Variants in ARID3B observed in about 807,000 individuals in gnomAD.
ARID3B encodes the protein AT-rich interaction domain 3B.
In ARID3B, 10 loss-of-function variants were observed where a neutral mutation model predicts 51.9. That is an observed-to-expected ratio of 0.19 (90% CI 0.12 to 0.33). The LOEUF (loss-of-function observed/expected upper bound fraction) is 0.33, where lower values mean the gene tolerates loss of function less well. Ranked by LOEUF, ARID3B falls within the 10% of genes least tolerant of loss-of-function variation. The probability of loss-of-function intolerance (pLI) is 1.00; values close to 1 mark genes in which losing one functional copy is unlikely to be tolerated. For missense variants in ARID3B, 483 were observed against 716.3 expected (o/e 0.67, Z 3.72); for synonymous variants, 205 against 279.5 (o/e 0.73, Z 2.66).
chr15:74,546,270 T>G (rs1314438500), intron 2 of ARID3B, among the ~76,000 whole-genome samples: 1 of 152,110 alleles, frequency 6.6e-6, no homozygotes, highest in Admixed American at 6.5e-5. Context: ...TGCTGTGTGG[T>G]TGGCAGAGTT....
rs539888569 is a variant in ARID3B, at chr15:74,591,499, G to A, written c.1166-61G>A. On this transcript the variant is annotated intron_variant, in intron 6 of 8. Transcript: ENST00000346246. The surrounding 1 kb of genome is among the most constrained non-coding windows in gnomAD (Gnocchi z 5.8). The stretch of plus-strand genomic sequence containing the variant: ...AGGGATGCCAGTTCCCTGTGTTCAA[G>A]ACTGGGGTTTTGGGGCAAGAGGGTC... 1.9e-6 allele frequency: 3 copies of A among 1,594,488 alleles called. No homozygotes were observed. In the South Asian group the frequency reaches 3.4e-5, roughly 18 times the overall value.
intron 2 of ARID3B, among the ~76,000 whole-genome samples, chr15:74,558,478 T>C (rs2061667586): frequency 6.6e-6 from 1 of 152,174 alleles, no homozygotes; most frequent in Non-Finnish European, 1.5e-5. Context: ...TTTCTATTCC[T>C]TCAGCTCTTT....
rs377303553 is a variant in ARID3B, at chr15:74,544,183, G to C, written c.247G>C (p.Glu83Gln). 3.7e-6 allele frequency: 6 copies of C among 1,613,884 alleles called. No homozygotes were observed. Among genetic ancestry groups the C allele is most frequent in the Non-Finnish European group, 5.1e-6 (6 of 1,179,864 alleles). Residue 83 changes from glutamate to glutamine, a missense_variant, in exon 2 of 9, where the codon GAA (glutamate) becomes CAA (glutamine). Glu to Gln is a conservative substitution (Grantham distance 29). This residue lies in a region of ARID3B where 182 missense variants were observed against 244.5 expected (regional missense o/e 0.74). Coordinates refer to ENST00000346246, the MANE Select transcript of ARID3B (RefSeq NM_006465.4). ...CACCGCAGCAGTGGCCCAAGTGTTT[G>C]AACGGGGCAACATGAACTCAGAGCC... is the stretch of plus-strand genomic sequence containing the variant. ...PPTAAVAQVF[E>Q]RGNMNSEPEE...
chr15:74,543,943 C>G lies in ARID3B; in HGVS notation c.7C>G (p.Pro3Ala). 6.2e-7 allele frequency: 1 copy of G among 1,610,046 alleles called. No individual in the cohort carries two copies. Among genetic ancestry groups the G allele is most frequent in the East Asian group, 2.2e-5 (1 of 44,882 alleles). ME[P>A]LQQQQQQQQQ... ...GGTGAAGCTTGAGGCAAAAATGGAG[C>G]CACTTCAGCAGCAGCAGCAGCAGCA... Residue 3 changes from proline to alanine, a missense_variant, in exon 2 of 9, where the codon CCA becomes GCA. Transcript: ENST00000346246.
intron 2 of ARID3B, among the ~76,000 whole-genome samples, chr15:74,569,104 T>G (rs1367010523): frequency 6.6e-6 from 1 of 152,176 alleles, no homozygotes; most frequent in Non-Finnish European, 1.5e-5. Context: ...AATTTTCTAG[T>G]AGTCACACCC....
In ARID3B at chr15:74,552,236, T is replaced by C. The variant is rs1281439559; in HGVS notation, c.552+7748T>C. Among the ~76,000 whole-genome samples the C allele has an allele frequency of 2.1e-5, 3 of 140,898 alleles. No individual in the cohort carries two copies. In the Admixed American group the frequency reaches 2.2e-4, roughly 10 times the overall value. The allele number at this position is 140,898 out of a possible 152,430, so 92.4% of individuals were successfully genotyped here. A position where few individuals can be genotyped will look rare whatever the true frequency, so the allele number is the denominator to read the frequency against. On this transcript the variant is annotated intron_variant, in intron 2 of 8. Coordinates refer to ENST00000346246, the MANE Select transcript of ARID3B (RefSeq NM_006465.4). ...GCCACCACGCCCAGCTAATTTTTTG[T>C]ATTTTTAATAGAGATGGGGTTTCAT...
chr15:74,560,161 C>T (rs1265002205), intron 2 of ARID3B, among the ~76,000 whole-genome samples: 2 of 150,598 alleles, frequency 1.3e-5, no homozygotes, highest in Non-Finnish European at 3.0e-5. Context: ...GCCACGATTG[C>T]ACCACTGCAC....
At position 74,543,865 on chromosome 15, in the gene ARID3B, G is replaced by A. The variant is rs2061603700; in HGVS notation, c.-72G>A. 5 of 1,537,570 alleles carry A rather than the reference G, an allele frequency of 3.3e-6. No individual in the cohort carries two copies. The highest frequency in any genetic ancestry group is 4.4e-6 in the Non-Finnish European group (5 of 1,138,766). ...GGTTTCTGTTAATCACTAAGGTTTA[G>A]ACCCAGTGTGCCTGGTGGGCTGTGC... is the stretch of plus-strand genomic sequence containing the variant. On this transcript the variant is annotated 5_prime_UTR_variant, in exon 2 of 9. Coordinates refer to ENST00000346246, the MANE Select transcript of ARID3B (RefSeq NM_006465.4).
chr15:74,589,275 C>T (rs1311556700), intron 4 of ARID3B, among the ~76,000 whole-genome samples: 2 of 151,802 alleles, frequency 1.3e-5, no homozygotes, highest in Non-Finnish European at 1.5e-5. Flanking sequence ...GTGATCTGCC[C>T]GCTTCGGCCT....
At chr15:74,558,423 A>G (rs1180286420) in intron 2 of ARID3B, among the ~76,000 whole-genome samples, 1 of 151,766 alleles carries the variant, frequency 6.6e-6, no homozygotes, top group East Asian at 1.9e-4. Context: ...GTGTTTGTTT[A>G]TAAATTTTTT....
intron 8 of ARID3B, among the ~76,000 whole-genome samples, chr15:74,594,186 C>T (rs543228728): frequency 8.4e-4 from 128 of 152,294 alleles, no homozygotes; most frequent in African/African-American, 3.0e-3. Flanking sequence ...CGGTGGCTCA[C>T]GCCTGTAATC....
rs193289811 is a variant in ARID3B, at chr15:74,552,553, A to G, written c.552+8065A>G. Among the ~76,000 whole-genome samples the G allele has an allele frequency of 2.0e-5, 3 of 151,672 alleles. No individual in the cohort carries two copies. The East Asian group carries it at 5.9e-4, about 30-fold the overall frequency. On this transcript the variant is annotated intron_variant, in intron 2 of 8. Coordinates refer to ENST00000346246, the MANE Select transcript of ARID3B (RefSeq NM_006465.4). The stretch of plus-strand genomic sequence containing the variant: ...TGTATCCGCCATTGTAGTATCACAC[A>G]GAGTAGTTTCACTGTCCTAAAAATT...
Position 74,591,518 on chromosome 15 carries a change from G to A in ARID3B, c.1166-42G>A, listed in dbSNP as rs2061803179. On this transcript the variant is annotated intron_variant, in intron 6 of 8. Coordinates refer to ENST00000346246, the MANE Select transcript of ARID3B (RefSeq NM_006465.4). The surrounding 1 kb of genome is among the most constrained non-coding windows in gnomAD (Gnocchi z 5.8). ...GTTCAAGACTGGGGTTTTGGGGCAA[G>A]AGGGTCAATTGTGGATTGGTCCAGC... 6.3e-7 allele frequency: 1 copy of A among 1,597,098 alleles called. No individual in the cohort carries two copies. Among genetic ancestry groups the A allele is most frequent in the Non-Finnish European group, 8.6e-7 (1 of 1,167,728 alleles).
At position 74,593,299 on chromosome 15, in the gene ARID3B, G is replaced by A. The variant is rs555918808; in HGVS notation, c.1519+63G>A. The A allele has an allele frequency of 7.7e-5, 114 of 1,472,812 alleles. No individual in the cohort carries two copies. In the African/African-American group the frequency reaches 9.2e-4, roughly 12 times the overall value. The allele number at this position is 1,472,812 out of a possible 1,614,324, so 91.2% of individuals were successfully genotyped here. A position where few individuals can be genotyped will look rare whatever the true frequency, so the allele number is the denominator to read the frequency against. On this transcript the variant is annotated intron_variant, in intron 8 of 8. Coordinates refer to ENST00000346246, the MANE Select transcript of ARID3B (RefSeq NM_006465.4). ...GCAGCTAGCCACAGGGCAGCTCTGC[G>A]GCTGGCCCTGCCTCTTACCCTCTGT...
intron 7 of ARID3B, among the ~76,000 whole-genome samples, chr15:74,592,355 C>T (rs1168083203): frequency 3.9e-5 from 6 of 152,350 alleles, no homozygotes; most frequent in South Asian, 4.1e-4. Context: ...TCAAGCCACA[C>T]GCCCCTTTTC....
intron 2 of ARID3B, among the ~76,000 whole-genome samples, chr15:74,564,120 T>TACTA (rs1310643775): frequency 6.6e-6 from 1 of 152,342 alleles, no homozygotes; most frequent in East Asian, 1.9e-4. Context: ...ATAACTCTAG[T>TACTA]GTTTCCAAGG....
Position 74,597,240 on chromosome 15 carries a change from A to C in ARID3B, c.*1466A>C. The C allele has an allele frequency of 2.7e-6, 1 of 376,568 alleles. No homozygotes were observed. Among genetic ancestry groups the C allele is most frequent in the South Asian group, 2.8e-5 (1 of 35,662 alleles). 23.3% of individuals were successfully genotyped at this position (376,568 alleles called of 1,614,324 possible). On this transcript the variant is annotated 3_prime_UTR_variant, in exon 9 of 9. Transcript: ENST00000346246. ...AGCAGGCAGCTCCTGTGCTGTAAAG[A>C]AAATTGATTCGCTTGCGGCTCACCT...
intron 2 of ARID3B, among the ~76,000 whole-genome samples, chr15:74,570,040 A>G (rs1217129247): frequency 6.6e-6 from 1 of 152,140 alleles, no homozygotes; most frequent in African/African-American, 2.4e-5. Context: ...TTACTCAAAG[A>G]GTTCGGTGTC....
chr15:74,592,058 A>G (rs2061805678), intron 7 of ARID3B, among the ~76,000 whole-genome samples: 3 of 152,216 alleles, frequency 2.0e-5, no homozygotes, highest in Non-Finnish European at 2.9e-5. Context: ...TAAGAGGGAA[A>G]AGCAGTTATT....
Sources: allele counts gnomAD v4.1 joint callset (sites outside exome capture counted in the v4.1 genomes callset), GRCh38; gene constraint gnomAD v4.1.1; regional missense constraint gnomAD v4.1.1; non-coding constraint Gnocchi (gnomAD v3.1); transcripts MANE v1.5; gene names NCBI Gene and HGNC (gene_info 2026-07-23, HGNC 2026-07-21).